L3MBTL3: variants seen among roughly 807,000 people sequenced by gnomAD.
L3MBTL3 encodes lethal(3)malignant brain tumor-like protein 3.
A neutral mutation model predicts 102.3 loss-of-function variants in L3MBTL3; 27 were observed. The ratio of observed to expected loss-of-function variants is 0.26; its 90% CI spans 0.19 to 0.36. The LOEUF (loss-of-function observed/expected upper bound fraction) is 0.36, where lower values mean the gene tolerates loss of function less well. Ranked by LOEUF, L3MBTL3 falls within the 10% of genes least tolerant of loss-of-function variation. The pLI, the probability that L3MBTL3 is intolerant of heterozygous loss-of-function variation, is 1.00. For missense variants in L3MBTL3, 798 were observed against 955.3 expected, an observed-to-expected ratio of 0.84 and a Z score of 2.17; for synonymous variants, 340 against 320.9, an observed-to-expected ratio of 1.06 and a Z score of -0.64.
chr6:130,022,274 C>T lies in L3MBTL3; in HGVS notation c.-47C>T, dbSNP rs1209361117. 6.6e-6 allele frequency: 1 copy of T among 152,148 alleles called. No individual in the cohort carries two copies. Among genetic ancestry groups the T allele is most frequent in the Admixed American group, 6.5e-5 (1 of 15,280 alleles). The allele number at this position is 152,148 out of a possible 1,614,324, so 9.4% of individuals were successfully genotyped here. A position where few individuals can be genotyped will look rare whatever the true frequency, so the allele number is the denominator to read the frequency against. On this transcript the variant is annotated 5_prime_UTR_variant, in exon 2 of 23. Coordinates refer to ENST00000361794, the MANE Select transcript of L3MBTL3 (RefSeq NM_032438.4). ...AGTGGACAGCAATTGTGAAGATCGCCAGAGAGTTCTGTGTTTCATCACCGC... is the reference window on the plus strand; with the variant it reads ...AGTGGACAGCAATTGTGAAGATCGCTAGAGAGTTCTGTGTTTCATCACCGC...
At chr6:130,020,970 G>T (rs1455550169) in intron 1 of L3MBTL3, among the ~76,000 whole-genome samples, 1 of 151,710 alleles carries the variant, frequency 6.6e-6, no homozygotes, top group Non-Finnish European at 1.5e-5. Context: ...ACTGAGATGA[G>T]AAATAAGAAT....
chr6:130,126,602 T>C (rs927113142), intron 20 of L3MBTL3, among the ~76,000 whole-genome samples: 3 of 152,188 alleles, frequency 2.0e-5, no homozygotes, highest in Non-Finnish European at 4.4e-5. Context: ...TTTCTCTGCA[T>C]CACTTTCTTC....
Position 130,119,792 on chromosome 6 carries a change from TAAAC to T in L3MBTL3, c.1887-1084_1887-1081del, listed in dbSNP as rs558422485. Among the ~76,000 whole-genome samples the T allele has an allele frequency of 2.7e-3, 410 of 152,274 alleles. 3 individuals carry two copies. Among genetic ancestry groups the T allele is most frequent in the Middle Eastern group, 6.8e-3 (2 of 294 alleles). ...TATCTCCTCACAGGATAATCACAAATAAACAATACATAATTTAAAAATAGCAGTA... is the reference window on the plus strand; with the variant it reads ...TATCTCCTCACAGGATAATCACAAATAATACATAATTTAAAAATAGCAGTA... On this transcript the variant is annotated intron_variant, in intron 19 of 22. Transcript: ENST00000361794.
Position 130,070,997 on chromosome 6 carries a change from C to T in L3MBTL3, c.1114C>T (p.Arg372Ter). ...QNITVIPSGF[R>*]VGMKLEAVDK... Reference sequence around the variant, plus strand: ...ATAGACAGTGATCCCATCGGGCTTTCGAGTTGGTATGAAGCTTGAGGCAGT... The same window carrying T: ...ATAGACAGTGATCCCATCGGGCTTTTGAGTTGGTATGAAGCTTGAGGCAGT... Residue 372 changes from arginine (R) to a stop codon, truncating the protein, a stop_gained, in exon 13 of 23, where the codon CGA becomes TGA. Transcript: ENST00000361794. LOFTEE classifies it high-confidence loss of function. 2 of 1,613,022 alleles carry T rather than the reference C, an allele frequency of 1.2e-6. No homozygotes were observed. The highest frequency in any genetic ancestry group is 8.5e-7 in the Non-Finnish European group (1 of 1,179,464).
chr6:130,072,766 T>G (rs1782717273), intron 13 of L3MBTL3, among the ~76,000 whole-genome samples: 1 of 152,138 alleles, frequency 6.6e-6, no homozygotes, highest in South Asian at 2.1e-4. Context: ...TATTTTTATT[T>G]TTAAAAATAT....
chr6:130,084,211 C>T (rs910502270), intron 15 of L3MBTL3, among the ~76,000 whole-genome samples: 1 of 151,984 alleles, frequency 6.6e-6, no homozygotes, highest in African/African-American at 2.4e-5. Context: ...TTGCTTCTTG[C>T]ATATAAAGTA....
chr6:130,058,513 T>C (rs1781676144), intron 9 of L3MBTL3, among the ~76,000 whole-genome samples: 1 of 151,154 alleles, frequency 6.6e-6, no homozygotes, highest in African/African-American at 2.4e-5. Flanking sequence ...GAGTGTGGTG[T>C]TCAAAGTTGC....
chr6:130,056,878 C>T (rs1445659282), intron 8 of L3MBTL3, among the ~76,000 whole-genome samples: 1 of 152,124 alleles, frequency 6.6e-6, no homozygotes, highest in African/African-American at 2.4e-5. Flanking sequence ...TACATTTTTC[C>T]TTCATTTCCA....
chr6:130,086,108 A>G, intron 15 of L3MBTL3, 32 bp from the exon 16 acceptor site: 1 of 1,379,530 alleles, frequency 7.2e-7, no homozygotes, highest in South Asian at 1.2e-5. Flanking sequence ...CTTCCTCTTT[A>G]TCTCACTCTG....
At chr6:130,073,928 T>A (rs1178877898) in intron 13 of L3MBTL3, among the ~76,000 whole-genome samples, 1 of 152,202 alleles carries the variant, frequency 6.6e-6, no homozygotes, top group African/African-American at 2.4e-5. Context: ...TTGTTAATTC[T>A]CTGAAAACGA....
At chr6:130,018,971 AAG>A (rs1419746556) in intron 1 of L3MBTL3, among the ~76,000 whole-genome samples, 1 of 151,972 alleles carries the variant, frequency 6.6e-6, no homozygotes, top group Non-Finnish European at 1.5e-5. Flanking sequence ...GCGAGTGTGA[AAG>A]AGGAACAAAA....
intron 12 of L3MBTL3, among the ~76,000 whole-genome samples, chr6:130,069,063 G>A (rs1238459271): frequency 1.3e-5 from 2 of 152,286 alleles, no homozygotes; most frequent in East Asian, 1.9e-4. Flanking sequence ...GACGTGCATG[G>A]CTTGTATCTG....
At chr6:130,065,289 A>C (rs894295502) in intron 10 of L3MBTL3, among the ~76,000 whole-genome samples, 31 of 152,154 alleles carry the variant, frequency 2.0e-4, no homozygotes, top group African/African-American at 7.2e-4. Context: ...ATGTGTTTAC[A>C]TATGTATGCA....
chr6:130,057,322 A>T, intron 8 of L3MBTL3, 84 bp from the exon 9 acceptor site: 1 of 986,760 alleles, frequency 1.0e-6, no homozygotes, highest in Non-Finnish European at 1.6e-6. Flanking sequence ...GCAGCGTATC[A>T]GTCAGGGACG....
chr6:130,050,065 A>G (rs995736513), intron 5 of L3MBTL3, among the ~76,000 whole-genome samples: 17 of 152,034 alleles, frequency 1.1e-4, no homozygotes, highest in African/African-American at 3.6e-4. Context: ...GGCCTTTTCT[A>G]TCTATCATCT....
intron 18 of L3MBTL3, among the ~76,000 whole-genome samples, chr6:130,098,513 T>C (rs576873318): frequency 3.0e-4 from 46 of 152,346 alleles, no homozygotes; most frequent in African/African-American, 1.0e-3. Flanking sequence ...TGTTTACTTT[T>C]TGCTGATGTT....
At chr6:130,100,588 C>T (rs1320299054) in intron 18 of L3MBTL3, among the ~76,000 whole-genome samples, 1 of 151,228 alleles carries the variant, frequency 6.6e-6, no homozygotes, top group Non-Finnish European at 1.5e-5. Flanking sequence ...ATGTTTTTCC[C>T]TGCTTTAGGT....
At position 130,133,528 on chromosome 6, in the gene L3MBTL3, A is replaced by G; in HGVS notation, c.2043A>G (p.Pro681=). The change falls in exon 21 of 23, where the codon CCA becomes CCG. Residue 681 remains proline, a synonymous_variant. Coordinates refer to ENST00000361794, the MANE Select transcript of L3MBTL3 (RefSeq NM_032438.4). The surrounding 1 kb of genome is among the most constrained non-coding windows in gnomAD (Gnocchi z 4.9). The part of the protein sequence containing the change: ...AVFLSFKSPI[P]CLPLRWEQQS... ...TTCTGTCCTTTAAGTCCCCAATTCC[A>G]TGTCTGCCCTTGCGCTGGGAGCAGC... 2 of 1,614,072 alleles carry G rather than the reference A, an allele frequency of 1.2e-6. No homozygotes were observed. The highest frequency in any genetic ancestry group is 1.1e-5 in the South Asian group (1 of 91,078).
At position 130,071,002 on chromosome 6, in the gene L3MBTL3, T is replaced by C; in HGVS notation, c.1119T>C (p.Val373=). The part of the protein sequence containing the change: ...NITVIPSGFR[V]GMKLEAVDKK... ...CAGTGATCCCATCGGGCTTTCGAGT[T>C]GGTATGAAGCTTGAGGCAGTAGACA... Residue 373 remains valine, a synonymous_variant, in exon 13 of 23, where the codon GTT becomes GTC. Transcript: ENST00000361794. 6.2e-7 allele frequency: 1 copy of C among 1,613,372 alleles called. No homozygotes were observed. Among genetic ancestry groups the C allele is most frequent in the Non-Finnish European group, 8.5e-7 (1 of 1,179,578 alleles).
Sources: allele counts gnomAD v4.1 joint callset (sites outside exome capture counted in the v4.1 genomes callset), GRCh38; gene constraint gnomAD v4.1.1; non-coding constraint Gnocchi (gnomAD v3.1); transcripts MANE v1.5; gene names NCBI Gene and HGNC (gene_info 2026-07-23, HGNC 2026-07-21).